The following TRPM5 variants were observed in gnomAD, a reference collection of about 807,000 sequenced individuals.
TRPM5 encodes the protein MLSN1 and TRP-related.
A neutral mutation model predicts 124.9 loss-of-function variants in TRPM5; 121 were observed. That is an observed-to-expected ratio of 0.97 (90% CI 0.84 to 1.13). The LOEUF (loss-of-function observed/expected upper bound fraction) is 1.13, where lower values mean the gene tolerates loss of function less well. Among genes scored for constraint, TRPM5 ranks in the 50% most tolerant of loss-of-function variants. The pLI is 0.00. For synonymous variants in TRPM5, 781 were observed against 700.5 expected (o/e 1.11, Z -1.81); for missense variants, 1,643 against 1,589.1 (o/e 1.03, Z -0.58).
At chr11:2,407,159 C>T in exon 20 of TRPM5, 2 of 1,610,288 alleles carry the variant, frequency 1.2e-6, no homozygotes, top group Non-Finnish European at 1.7e-6. Flanking sequence ...TCTTGAAGAC[C>T]CGGCGGAGCG....
intron 3 of TRPM5, 84 bp downstream of exon 8, chr11:2,420,948 C>T: frequency 7.1e-7 from 1 of 1,403,614 alleles, no homozygotes; most frequent in African/African-American, 1.5e-5. Context: ...CCTGTCCTCC[C>T]AGAGCTCTGC....
At position 2,405,158 on chromosome 11, in the gene TRPM5, C is replaced by T. The variant is rs1407221417; in HGVS notation, c.3392-115G>A. 9 of 798,520 alleles carry T rather than the reference C, an allele frequency of 1.1e-5. No individual in the cohort carries two copies. In the Admixed American group the frequency reaches 1.6e-4, roughly 15 times the overall value. The allele number at this position is 798,520 out of a possible 1,614,324, so 49.5% of individuals were successfully genotyped here. Reference sequence around the variant, plus strand: ...GGACGCCGTGGCTCTCAGAGTGAGTCCCCACAGGCCAGCCTGGGGAAGATG... The same window carrying T: ...GGACGCCGTGGCTCTCAGAGTGAGTTCCCACAGGCCAGCCTGGGGAAGATG... On this transcript the variant is annotated intron_variant, in intron 23 of 23. Coordinates refer to ENST00000155858, the Ensembl canonical transcript of TRPM5.
intron 18 of TRPM5, chr11:2,410,703 G>A (rs1269922316): frequency 4.4e-6 from 2 of 455,568 alleles, no homozygotes; most frequent in South Asian, 3.1e-5. Context: ...AGTTTCCAGA[G>A]CCTCCACCAG....
At chr11:2,426,885 G>A (rs555377480), upstream of TRPM5, among the ~76,000 whole-genome samples, 2 of 152,176 alleles carry the variant, frequency 1.3e-5, no homozygotes, top group African/African-American at 2.4e-5. Flanking sequence ...TGGAGGACAC[G>A]GCTCAGGGAA....
At chr11:2,404,971 T>A (rs1257958934) in exon 24 of TRPM5, 1 of 1,612,586 alleles carries the variant, frequency 6.2e-7, no homozygotes, top group Non-Finnish European at 8.5e-7. Flanking sequence ...AGCCCCGGGT[T>A]GTTCCCAGCC....
Position 2,413,029 on chromosome 11 carries a change from T to C in TRPM5, c.2097-17A>G. ...TCCTCCACCCTGTGCCGCAGAGAAGTTCGCAGTGGTGAGGCTGGCGCCCAG... is the reference window on the plus strand; with the variant it reads ...TCCTCCACCCTGTGCCGCAGAGAAGCTCGCAGTGGTGAGGCTGGCGCCCAG... On this transcript the variant is annotated splice_polypyrimidine_tract_variant and intron_variant, in intron 14 of 23. Coordinates refer to ENST00000155858, the Ensembl canonical transcript of TRPM5. The C allele has an allele frequency of 6.3e-7, 1 of 1,593,538 alleles. No homozygotes were observed. The highest frequency in any genetic ancestry group is 1.1e-5 in the South Asian group (1 of 88,126).
At chr11:2,433,348 G>A in the TRPM5 span, among the ~76,000 whole-genome samples, 2 of 152,288 alleles carry the variant, frequency 1.3e-5, no homozygotes, top group South Asian at 2.1e-4. Context: ...CAGCAGATCT[G>A]CAAAGGAAGG....
the TRPM5 span, among the ~76,000 whole-genome samples, chr11:2,443,499 G>A: frequency 1.3e-5 from 2 of 152,136 alleles, no homozygotes; most frequent in Non-Finnish European, 2.9e-5. The surrounding 1 kb of genome is among the most constrained non-coding windows in gnomAD (Gnocchi z 5.0). Context: ...TTATCACAGC[G>A]CCCAGCACAA....
exon 12 of TRPM5, chr11:2,414,159 G>A: frequency 6.2e-7 from 1 of 1,609,666 alleles, no homozygotes; most frequent in Non-Finnish European, 8.5e-7. Context: ...CGCACCAGCA[G>A]GGCGAAGGCG....
chr11:2,411,967 T>C (rs1276909232), intron 16 of TRPM5, among the ~76,000 whole-genome samples, 168 bp downstream of exon 21: 1 of 152,152 alleles, frequency 6.6e-6, no homozygotes, highest in Non-Finnish European at 1.5e-5. Flanking sequence ...AGTGGCATGA[T>C]CACGGCTTGC....
intron 3 of TRPM5, 99 bp from the exon 9 acceptor site, chr11:2,420,504 G>T: frequency 7.8e-7 from 1 of 1,280,814 alleles, no homozygotes; most frequent in Non-Finnish European, 1.1e-6. Context: ...ACCACGCCAT[G>T]GGGCCCCGCA....
At chr11:2,405,147 TCA>T in intron 23 of TRPM5, 104 bp from the exon 29 acceptor site, 4 of 902,788 alleles carry the variant, frequency 4.4e-6, no homozygotes, top group Non-Finnish European at 6.8e-6. Flanking sequence ...GCCGTGGCTC[TCA>T]GAGTGAGTCC....
intron 18 of TRPM5, among the ~76,000 whole-genome samples, chr11:2,408,807 C>T (rs1396561298): frequency 6.6e-6 from 1 of 152,230 alleles, no homozygotes; most frequent in Admixed American, 6.5e-5. Context: ...ACCACATATC[C>T]CCTCCATATC....
intron 8 of TRPM5, among the ~76,000 whole-genome samples, chr11:2,415,672 G>A (rs1845658862): frequency 6.6e-6 from 1 of 152,226 alleles, no homozygotes; most frequent in African/African-American, 2.4e-5. Flanking sequence ...AGCAAATGCT[G>A]AGGGTGTCAC....
intron 13 of TRPM5, 78 bp downstream of exon 18, chr11:2,413,398 G>A (rs11601529): frequency 0.22 from 311,782 of 1,412,824 alleles, 35,431 homozygotes; most frequent in Middle Eastern, 0.32. Flanking sequence ...CAGCACCTGC[G>A]AGGCCCAGGC....
intron 4 of TRPM5, 65 bp downstream of exon 9, chr11:2,420,145 CCCCACTCTCCCA>C: frequency 6.7e-7 from 1 of 1,498,866 alleles, no homozygotes; most frequent in Non-Finnish European, 9.0e-7. Flanking sequence ...TGGCGGTCAC[CCCCACTCTCCCA>C]CAGGCGGGTC....
intron 1 of TRPM5, among the ~76,000 whole-genome samples, chr11:2,422,709 G>A (rs577796362): frequency 1.6e-4 from 24 of 151,984 alleles, no homozygotes; most frequent in African/African-American, 5.5e-4. Flanking sequence ...GACTTCAGGG[G>A]TCCCGGTTAT....
intron 18 of TRPM5, among the ~76,000 whole-genome samples, chr11:2,409,838 C>T (rs986003049): frequency 6.6e-6 from 1 of 152,200 alleles, no homozygotes; most frequent in African/African-American, 2.4e-5. Flanking sequence ...CCCCGCAGCA[C>T]CGCAGACCTC....
chr11:2,412,482 A>T (rs1850472736), intron 15 of TRPM5, among the ~76,000 whole-genome samples: 2 of 152,114 alleles, frequency 1.3e-5, no homozygotes. Flanking sequence ...GGGTCTAGGG[A>T]TCAGTTTATG....
Sources: gnomAD v4.1 joint callset for allele counts (sites outside exome capture counted in the v4.1 genomes callset) on GRCh38, gnomAD v4.1.1 for gene constraint, Gnocchi (gnomAD v3.1) non-coding constraint, MANE v1.5 for transcripts, NCBI Gene and HGNC (gene_info 2026-07-23, HGNC 2026-07-21) for gene names.